The following PCDHGA7 variants were observed in gnomAD, a reference collection of about 807,000 sequenced individuals.
The protein encoded by PCDHGA7 is protocadherin gamma-A7.
Under a neutral mutation model 58.3 loss-of-function variants are expected in PCDHGA7, and 44 were observed. The observed-to-expected ratio is 0.75, with a 90% CI of 0.59 to 0.97. PCDHGA7 has a LOEUF of 0.97. PCDHGA7 is among the 50% of genes least tolerant of loss of function. The pLI is 0.00. For missense variants in PCDHGA7, 1,266 were observed against 1,188.7 expected, an observed-to-expected ratio of 1.06 and a Z score of -0.96; for synonymous variants, 516 against 504.2, an observed-to-expected ratio of 1.02 and a Z score of -0.31.
chr5:141,402,880 A>G (rs886365174), intron 1 of PCDHGA7: 2 of 1,474,944 alleles, frequency 1.4e-6, no homozygotes, highest in Non-Finnish European at 1.8e-6. Flanking sequence ...CATACTTTGC[A>G]GGGTGGAAGA....
At position 141,485,120 on chromosome 5, in the gene PCDHGA7, G is replaced by A. The variant is rs2099607447; in HGVS notation, c.2425-9687G>A. On this transcript the variant is annotated intron_variant, in intron 1 of 3. Coordinates refer to ENST00000518325, the MANE Select transcript of PCDHGA7 (RefSeq NM_018920.4). The surrounding 1 kb of genome is among the most constrained non-coding windows in gnomAD (Gnocchi z 5.7). ...TCCAGCTGCTGTGGCTGTTTGGGGC[G>A]GGTCGGCTTCATCCGCGTCTCAGGA... The A allele has an allele frequency of 1.5e-6, 2 of 1,348,050 alleles. No homozygotes were observed. Among genetic ancestry groups the A allele is most frequent in the Non-Finnish European group, 2.1e-6 (2 of 952,710 alleles). 83.5% of individuals were successfully genotyped at this position (1,348,050 alleles called of 1,614,324 possible).
rs2099629299 is a variant in PCDHGA7, at chr5:141,486,426, A to G, written c.2425-8381A>G. ...GCTGGACCCTTGGATCGAGAGGCCA[A>G]ATCTAGCTATGACATCATGGTCACT... On this transcript the variant is annotated intron_variant, in intron 1 of 3. Transcript: ENST00000518325. The surrounding 1 kb of genome is among the most constrained non-coding windows in gnomAD (Gnocchi z 5.0). 1.9e-6 allele frequency: 3 copies of G among 1,614,190 alleles called. No individual in the cohort carries two copies. Among genetic ancestry groups the G allele is most frequent in the Non-Finnish European group, 2.5e-6 (3 of 1,180,026 alleles).
At chr5:141,404,892 A>T in intron 1 of PCDHGA7, 1 of 1,613,880 alleles carries the variant, frequency 6.2e-7, no homozygotes, top group African/African-American at 1.3e-5. Context: ...GTGGCTGTAC[A>T]GGACCATGGC....
At chr5:141,410,492 T>C in intron 1 of PCDHGA7, 2 of 1,613,912 alleles carry the variant, frequency 1.2e-6, no homozygotes, top group Non-Finnish European at 1.7e-6. Flanking sequence ...TACAAAAGAG[T>C]TTAATTTCCT....
At chr5:141,388,956 G>C (rs1010974359) in intron 1 of PCDHGA7, 1 of 1,613,846 alleles carries the variant, frequency 6.2e-7, no homozygotes, top group Non-Finnish European at 8.5e-7. Context: ...TATGGAGGAC[G>C]CCGAGCTGGG....
intron 1 of PCDHGA7, chr5:141,400,694 C>T: frequency 1.3e-6 from 1 of 763,776 alleles, no homozygotes; most frequent in South Asian, 1.9e-5. Context: ...GTTTTTATGT[C>T]GCATAAAAGA....
rs1428910817 is a variant in PCDHGA7, at chr5:141,390,296, A to G, written c.2424+4973A>G. ...CTTCCCATCAGGTGAGTTTCCTTTA[A>G]GTATAATTTAATGCTCATTGCCTAC... On this transcript the variant is annotated intron_variant, in intron 1 of 3. Coordinates refer to ENST00000518325, the MANE Select transcript of PCDHGA7 (RefSeq NM_018920.4). 7 of 1,613,806 alleles carry G rather than the reference A, an allele frequency of 4.3e-6. No individual in the cohort carries two copies. The Admixed American group carries it at 1.2e-4, about 27-fold the overall frequency.
At chr5:141,450,556 G>T (rs534127421) in intron 1 of PCDHGA7, among the ~76,000 whole-genome samples, 1 of 151,940 alleles carries the variant, frequency 6.6e-6, no homozygotes, top group African/African-American at 2.4e-5. Flanking sequence ...GCGCAGTCTC[G>T]GCTCACTGCA....
chr5:141,389,896 C>G, intron 1 of PCDHGA7: 8 of 1,614,078 alleles, frequency 5.0e-6, no homozygotes, highest in Non-Finnish European at 6.8e-6. Context: ...GAGGTGCTGC[C>G]GGATATCACT....
chr5:141,400,023 C>A (rs755667675), intron 1 of PCDHGA7: 38 of 1,612,754 alleles, frequency 2.4e-5, no homozygotes, highest in Non-Finnish European at 3.2e-5. Flanking sequence ...GCGACAGGGA[C>A]GCGGCCCGCC....
chr5:141,496,513 G>A (rs1364297990), intron 2 of PCDHGA7, among the ~76,000 whole-genome samples: 1 of 152,140 alleles, frequency 6.6e-6, no homozygotes, highest in Non-Finnish European at 1.5e-5. Context: ...CAAGGACCCA[G>A]GAGCCCTTGG....
chr5:141,419,469 A>G, intron 1 of PCDHGA7: 1 of 1,612,490 alleles, frequency 6.2e-7, no homozygotes, highest in South Asian at 1.1e-5. Context: ...GCCCGCGACC[A>G]GGGCTCGCCC....
rs1018097924 is a variant in PCDHGA7 at position 141,413,435 on chromosome 5, G to C, written c.2424+28112G>C. Reference sequence around the variant, plus strand: ...TTCTCTCTGAACCCGCGCAGCGGCAGCTTGATCACCGCGGGCAGGATAGAC... The same window carrying C: ...TTCTCTCTGAACCCGCGCAGCGGCACCTTGATCACCGCGGGCAGGATAGAC... On this transcript the variant is annotated intron_variant, in intron 1 of 3. Transcript: ENST00000518325. The C allele has an allele frequency of 6.2e-6, 10 of 1,614,004 alleles. No homozygotes were observed. The Admixed American group carries it at 1.7e-4, about 27-fold the overall frequency.
intron 2 of PCDHGA7, among the ~76,000 whole-genome samples, chr5:141,500,416 A>G: frequency 6.6e-6 from 1 of 151,634 alleles, no homozygotes; most frequent in East Asian, 2.0e-4. Flanking sequence ...TCACCGTGTT[A>G]GCCAGGATGG....
chr5:141,485,625 G>A lies in PCDHGA7; in HGVS notation c.2425-9182G>A, dbSNP rs1458191111. On this transcript the variant is annotated intron_variant, in intron 1 of 3. Coordinates refer to ENST00000518325, the MANE Select transcript of PCDHGA7 (RefSeq NM_018920.4). This position sits in a 1 kb window ranked among gnomAD's most constrained non-coding sequence, Gnocchi z 5.7. ...GGGGAGGCAGCTCCTCCAGGACAGC[G>A]TTTCCCGTTGGAAAAGGCTCAGGAT... is the stretch of plus-strand genomic sequence containing the variant. The A allele has an allele frequency of 1.2e-6, 2 of 1,611,968 alleles. No homozygotes were observed. The highest frequency in any genetic ancestry group is 3.3e-5 in the Admixed American group (2 of 59,916).
At chr5:141,421,017 T>TGC (rs1489188484) in intron 1 of PCDHGA7, 1 of 518,776 alleles carries the variant, frequency 1.9e-6, no homozygotes, top group African/African-American at 2.0e-5. Flanking sequence ...AATGGGAAGC[T>TGC]GCGCGCCATT....
In PCDHGA7 at chr5:141,493,079, G is replaced by A. The variant is rs1299289839; in HGVS notation, c.2425-1728G>A. 6.6e-6 allele frequency among the ~76,000 whole-genome samples: 1 copy of A among 152,204 alleles called. No homozygotes were observed. Among genetic ancestry groups the A allele is most frequent in the East Asian group, 1.9e-4 (1 of 5,196 alleles). Reference sequence around the variant, plus strand: ...AAAAACACAAGTTTCTCCAACTCCAGGAGCTTTTATTCAAAATATATCAAT... The same window carrying A: ...AAAAACACAAGTTTCTCCAACTCCAAGAGCTTTTATTCAAAATATATCAAT... On this transcript the variant is annotated intron_variant, in intron 1 of 3. Transcript: ENST00000518325. The surrounding 1 kb of genome is among the most constrained non-coding windows in gnomAD (Gnocchi z 4.3).
chr5:141,389,182 G>T, intron 1 of PCDHGA7: 1 of 1,614,032 alleles, frequency 6.2e-7, no homozygotes, highest in Non-Finnish European at 8.5e-7. Flanking sequence ...CTCTCCTCCA[G>T]TTCCAGCATC....
chr5:141,477,747 C>A lies in PCDHGA7; in HGVS notation c.2425-17060C>A. ...ACAGCTCATATCAGCGATGGGGGCA[C>A]CCCGGTCCTAGCCACCAACATCAGC... On this transcript the variant is annotated intron_variant, in intron 1 of 3. Coordinates refer to ENST00000518325, the MANE Select transcript of PCDHGA7 (RefSeq NM_018920.4). The surrounding 1 kb of genome is among the most constrained non-coding windows in gnomAD (Gnocchi z 4.9). 1.9e-6 allele frequency: 3 copies of A among 1,613,840 alleles called. No individual in the cohort carries two copies. The highest frequency in any genetic ancestry group is 2.5e-6 in the Non-Finnish European group (3 of 1,180,044).
Sources: gnomAD v4.1 joint callset for allele counts (sites outside exome capture counted in the v4.1 genomes callset) on GRCh38, gnomAD v4.1.1 for gene constraint, Gnocchi (gnomAD v3.1) non-coding constraint, MANE v1.5 for transcripts, NCBI Gene and HGNC (gene_info 2026-07-23, HGNC 2026-07-21) for gene names.